PI4K2B: variants seen among roughly 807,000 people sequenced by gnomAD.
PI4K2B encodes the protein phosphatidylinositol 4-kinase type 2 beta, also known as phosphatidylinositol 4-kinase type 2-beta.
A neutral mutation model predicts 56.6 loss-of-function variants in PI4K2B; 46 were observed. The observed-to-expected ratio is 0.81, with a 90% CI of 0.64 to 1.04. The LOEUF (loss-of-function observed/expected upper bound fraction) is 1.04. Among genes scored for constraint, PI4K2B ranks in the 50% least tolerant of loss-of-function variants. PI4K2B has a pLI of 0.00. For missense variants in PI4K2B, 556 were observed against 607.7 expected (o/e 0.91, Z 0.89); for synonymous variants, 211 against 223.8 (o/e 0.94, Z 0.51).
rs1301001188 is a variant in PI4K2B, at chr4:25,252,450, G to A, written c.398G>A (p.Ser133Asn). ...AGAATCTCTCAAGGTTCAAGTGGAA[G>A]TTACTTTGTGAAGGATCCTAAGAGG... ...PERISQGSSG[S>N]YFVKDPKRKI... The change falls in exon 2 of 10, where the codon AGT (serine) becomes AAT (asparagine). Residue 133 changes from serine (S) to asparagine (N), a missense_variant. Physicochemically the swap from Ser to Asn is conservative, Grantham distance 46. Transcript: ENST00000264864. 6 of 1,611,784 alleles carry A rather than the reference G, an allele frequency of 3.7e-6. No individual in the cohort carries two copies. Among genetic ancestry groups the A allele is most frequent in the South Asian group, 2.2e-5 (2 of 91,008 alleles).
intron 9 of PI4K2B, among the ~76,000 whole-genome samples, chr4:25,270,599 G>GCCTC (rs1716850354): frequency 1.3e-5 from 2 of 152,056 alleles, no homozygotes; most frequent in South Asian, 4.1e-4. Flanking sequence ...AGCCGCCTTG[G>GCCTC]CCTCCCAAAG....
chr4:25,264,441 G>T (rs1350131606), intron 7 of PI4K2B, among the ~76,000 whole-genome samples: 1 of 152,152 alleles, frequency 6.6e-6, no homozygotes, highest in East Asian at 1.9e-4. Context: ...TAAATGAAAT[G>T]ATTTCTGTAA....
chr4:25,250,140 G>C (rs180865086), intron 1 of PI4K2B, among the ~76,000 whole-genome samples: 1 of 152,330 alleles, frequency 6.6e-6, no homozygotes, highest in East Asian at 1.9e-4. Flanking sequence ...AATCAGGCAG[G>C]GAGGTTGCAG....
At chr4:25,251,880 G>T (rs536681966) in intron 1 of PI4K2B, among the ~76,000 whole-genome samples, 80 of 152,208 alleles carry the variant, frequency 5.3e-4, no homozygotes, top group Non-Finnish European at 9.9e-4. Flanking sequence ...CTGGAGTGCA[G>T]TGGCGCAATC....
chr4:25,268,492 A>G lies in PI4K2B; in HGVS notation c.1128A>G (p.Glu376=). 2.5e-6 allele frequency: 4 copies of G among 1,601,718 alleles called. No individual in the cohort carries two copies. Among genetic ancestry groups the G allele is most frequent in the Non-Finnish European group, 3.4e-6 (4 of 1,172,264 alleles). ...WLPQAKVPFS[E]EIRNLILPYI... is the part of the protein sequence containing the mutation. ...CTCAAGCAAAAGTTCCCTTTTCTGA[A>G]GAAATAAGAAATTTGATTCTACCAT... Residue 376 remains glutamate, a synonymous_variant, in exon 8 of 10, where the codon GAA becomes GAG. Coordinates refer to ENST00000264864, the MANE Select transcript of PI4K2B (RefSeq NM_018323.4).
chr4:25,234,055 G>GCCA lies in PI4K2B; in HGVS notation c.-109_-108insCCA, dbSNP rs2109077062. ...GCCAAGCGTGCCCGTGCGCTGGTGA[G>GCCA]GTGGCGTCCGTTCTACCCGGTCGCT... On this transcript the variant is annotated 5_prime_UTR_variant, in exon 1 of 10. Transcript: ENST00000264864. 1.0e-6 allele frequency: 1 copy of GCCA among 957,244 alleles called. No individual in the cohort carries two copies. Among genetic ancestry groups the GCCA allele is most frequent in the African/African-American group, 1.7e-5 (1 of 59,160 alleles). 59.3% of individuals were successfully genotyped at this position (957,244 alleles called of 1,614,324 possible).
Position 25,256,399 on chromosome 4 carries a change from G to C in PI4K2B, c.625-144G>C. The C allele has an allele frequency of 4.0e-6, 3 of 755,598 alleles. No homozygotes were observed. The South Asian group carries it at 5.9e-5, about 15-fold the overall frequency. 46.8% of individuals were successfully genotyped at this position (755,598 alleles called of 1,614,324 possible). A position where few individuals can be genotyped will look rare whatever the true frequency, so the allele number is the denominator to read the frequency against. ...TAACAAGGCTTTGCAAAATTCCCTG[G>C]CTTTTCTGTTTTAGATTCTCTGGGG... On this transcript the variant is annotated intron_variant, in intron 3 of 9. Transcript: ENST00000264864.
Position 25,252,467 on chromosome 4 carries a change from C to A in PI4K2B, c.415C>A (p.Pro139Thr). 6.2e-7 allele frequency: 1 copy of A among 1,606,242 alleles called. No homozygotes were observed. The highest frequency in any genetic ancestry group is 8.5e-7 in the Non-Finnish European group (1 of 1,173,264). Reference protein sequence around the residue: ...GSSGSYFVKDPKRKIIGVFKP... With the variant: ...GSSGSYFVKDTKRKIIGVFKP... ...AAGTGGAAGTTACTTTGTGAAGGAT[C>A]CTAAGAGGGTGAGAATTTCACAGAC... The change falls in exon 2 of 10, where the codon CCT becomes ACT. Residue 139 changes from proline (P) to threonine (T), a missense_variant. Physicochemically the swap from Pro to Thr is conservative, Grantham distance 38. Transcript: ENST00000264864.
intron 1 of PI4K2B, among the ~76,000 whole-genome samples, chr4:25,247,252 C>T (rs1257637654): frequency 6.6e-6 from 1 of 152,244 alleles, no homozygotes; most frequent in Non-Finnish European, 1.5e-5. Flanking sequence ...GTAGATGTTC[C>T]ATGTGTTTTG....
chr4:25,236,204 CAAAAATAAATAA>C (rs1715254195), intron 1 of PI4K2B, among the ~76,000 whole-genome samples: 1 of 128,248 alleles, frequency 7.8e-6, no homozygotes, highest in Non-Finnish European at 1.6e-5. Context: ...GACTCTGTCT[CAAAAATAAATAA>C]ATAAATAAAT....
intron 6 of PI4K2B, 84 bp from the exon 7 acceptor site, chr4:25,263,666 C>T (rs988849405): frequency 2.9e-5 from 16 of 542,664 alleles, no homozygotes; most frequent in Non-Finnish European, 4.3e-5. Context: ...TGTTCTTAAA[C>T]CTCAATAATT....
chr4:25,234,144 G>A lies in PI4K2B; in HGVS notation c.-20G>A, dbSNP rs770062898. 1.5e-6 allele frequency: 2 copies of A among 1,319,696 alleles called. No homozygotes were observed. The highest frequency in any genetic ancestry group is 2.1e-5 in the South Asian group (1 of 47,618). The allele number at this position is 1,319,696 out of a possible 1,614,324, so 81.7% of individuals were successfully genotyped here. On this transcript the variant is annotated 5_prime_UTR_variant, in exon 1 of 10. Coordinates refer to ENST00000264864, the MANE Select transcript of PI4K2B (RefSeq NM_018323.4). ...GGCTGCTCTGATCTGGTCTCAGCGC[G>A]GAGGGAGCAGAGGGAGTCCATGGAG...
chr4:25,256,986 A>G (rs759862482), intron 4 of PI4K2B, among the ~76,000 whole-genome samples: 24 of 148,576 alleles, frequency 1.6e-4, no homozygotes, highest in Non-Finnish European at 3.0e-4. Flanking sequence ...ACCTAATCCC[A>G]GCCTCTCTGC....
At chr4:25,265,032 C>T (rs2109021360) in intron 7 of PI4K2B, among the ~76,000 whole-genome samples, 1 of 151,818 alleles carries the variant, frequency 6.6e-6, no homozygotes, top group Non-Finnish European at 1.5e-5. Flanking sequence ...TCCATCTCTA[C>T]TAAAAATACA....
At chr4:25,241,504 G>A (rs1376939168) in intron 1 of PI4K2B, among the ~76,000 whole-genome samples, 1 of 152,188 alleles carries the variant, frequency 6.6e-6, no homozygotes, top group Non-Finnish European at 1.5e-5. Flanking sequence ...AGGGTTGAGG[G>A]CCATGCATGT....
At chr4:25,267,727 A>T in intron 7 of PI4K2B, 2 of 958,794 alleles carry the variant, frequency 2.1e-6, no homozygotes, top group Non-Finnish European at 2.5e-6. Context: ...AAATCTCTCT[A>T]GTCCTGGCGT....
At chr4:25,253,774 A>C (rs1197627681) in intron 2 of PI4K2B, among the ~76,000 whole-genome samples, 3 of 152,186 alleles carry the variant, frequency 2.0e-5, no homozygotes, top group Non-Finnish European at 2.9e-5. Context: ...GAGAGAATTT[A>C]ATCAATTTAT....
At chr4:25,265,544 G>A (rs1285590637) in intron 7 of PI4K2B, among the ~76,000 whole-genome samples, 1 of 152,112 alleles carries the variant, frequency 6.6e-6, no homozygotes, top group Non-Finnish European at 1.5e-5. Context: ...GGTTGCACAG[G>A]TGGTACTCTA....
At position 25,252,220 on chromosome 4, in the gene PI4K2B, T is replaced by G; in HGVS notation, c.269-101T>G. Reference sequence around the variant, plus strand: ...TTAGAGCAGTCTATACAAATCTTGATTACATTTTTCTGTACCTTATATCCT... The same window carrying G: ...TTAGAGCAGTCTATACAAATCTTGAGTACATTTTTCTGTACCTTATATCCT... On this transcript the variant is annotated intron_variant, in intron 1 of 9. Coordinates refer to ENST00000264864, the MANE Select transcript of PI4K2B (RefSeq NM_018323.4). The G allele has an allele frequency of 1.6e-5, 13 of 821,668 alleles. No homozygotes were observed. The South Asian group carries it at 2.2e-4, about 14-fold the overall frequency. The allele number at this position is 821,668 out of a possible 1,614,324, so 50.9% of individuals were successfully genotyped here. A position where few individuals can be genotyped will look rare whatever the true frequency, so the allele number is the denominator to read the frequency against.
Sources: gnomAD v4.1 joint callset for allele counts (sites outside exome capture counted in the v4.1 genomes callset) on GRCh38, gnomAD v4.1.1 for gene constraint, MANE v1.5 for transcripts, NCBI Gene and HGNC (gene_info 2026-07-23, HGNC 2026-07-21) for gene names.